INPPL1: variants seen among roughly 807,000 people sequenced by gnomAD.
INPPL1 encodes the protein phosphatidylinositol 3,4,5-trisphosphate 5-phosphatase 2.
INPPL1 carries 91 observed loss-of-function variants against 139.3 expected under a neutral mutation model. That is an observed-to-expected ratio of 0.65 (90% confidence interval 0.55 to 0.78). INPPL1 has a LOEUF of 0.78. Among genes scored for constraint, INPPL1 ranks in the 30% least tolerant of loss-of-function variants. The pLI is 0.00. For synonymous variants in INPPL1, 719 were observed against 686.6 expected (o/e 1.05, Z -0.74); for missense variants, 1,411 against 1,665.6 (o/e 0.85, Z 2.66).
Position 72,232,241 on chromosome 11 carries a change from G to A in INPPL1, c.1617G>A (p.Gly539=). ...TTCCTCTCTTGCTTGCCTTAACAGG[G>A]AACAAGGGGGCTGTGGGCGTCTCCT... ...SVKTGIANTL[G]NKGAVGVSFM... is the part of the protein sequence containing the mutation. The change falls in exon 14 of 28, where the codon GGG becomes GGA. Residue 539 remains glycine, a splice_region_variant and synonymous_variant. Transcript: ENST00000298229. The A allele has an allele frequency of 1.3e-6, 2 of 1,554,354 alleles. No individual in the cohort carries two copies. The highest frequency in any genetic ancestry group is 1.7e-6 in the Non-Finnish European group (2 of 1,148,132).
rs1205029574 is a variant in INPPL1, at chr11:72,234,730, A to AGTGT, written c.2415+116_2415+117insTGTG. On this transcript the variant is annotated intron_variant, in intron 21 of 27. Coordinates refer to ENST00000298229, the MANE Select transcript of INPPL1 (RefSeq NM_001567.4). This position sits in a 1 kb window ranked among gnomAD's most constrained non-coding sequence, Gnocchi z 4.2. ...GTGGGGCCAGCAGAGAGAGAGAGAG[A>AGTGT]GAGTGTGTGTGTGTGTGTGTGTGTG... The AGTGT allele has an allele frequency of 2.0e-4, 114 of 565,252 alleles. No individual in the cohort carries two copies. Among genetic ancestry groups the AGTGT allele is most frequent in the Non-Finnish European group, 2.7e-4 (87 of 320,536 alleles). 35.0% of individuals were successfully genotyped at this position (565,252 alleles called of 1,614,324 possible). A position where few individuals can be genotyped will look rare whatever the true frequency, so the allele number is the denominator to read the frequency against.
rs201534395 is a variant in INPPL1, at chr11:72,237,105, G to T, written c.2880-19G>T. 3.2e-6 allele frequency: 5 copies of T among 1,556,062 alleles called. No individual in the cohort carries two copies. Among genetic ancestry groups the T allele is most frequent in the East Asian group, 2.3e-5 (1 of 44,226 alleles). On this transcript the variant is annotated intron_variant, in intron 25 of 27. Transcript: ENST00000298229. ...TGGGTTCCTGGATCCTGGCTTAGTC[G>T]TTCTGCTTCCACACCCAGGTTGAAG... is the stretch of plus-strand genomic sequence containing the variant.
At position 72,233,140 on chromosome 11, in the gene INPPL1, T is replaced by A. The variant is rs1316228321; in HGVS notation, c.2017T>A (p.Trp673Arg). 1 of 1,613,884 alleles carries A rather than the reference T, an allele frequency of 6.2e-7. No homozygotes were observed. The highest frequency in any genetic ancestry group is 8.5e-7 in the Non-Finnish European group (1 of 1,179,950). Residue 673 changes from tryptophan to arginine, a missense_variant, in exon 17 of 28, where the codon TGG becomes AGG. Physicochemically the swap from Trp to Arg is moderately radical, Grantham distance 101. Coordinates refer to ENST00000298229, the MANE Select transcript of INPPL1 (RefSeq NM_001567.4). ...YERGSRDTYA[W>R]HKQKPTGVRT... ...GCGGGGTTCCCGGGACACATATGCC[T>A]GGCACAAGCAGAAGCCAACTGGGGT...
At position 72,232,761 on chromosome 11, in the gene INPPL1, C is replaced by T. The variant is rs1375532101; in HGVS notation, c.1848C>T (p.Ile616=). 1.2e-5 allele frequency: 20 copies of T among 1,613,914 alleles called. No individual in the cohort carries two copies. Among genetic ancestry groups the T allele is most frequent in the Non-Finnish European group, 1.7e-5 (20 of 1,180,006 alleles). ...GDLNYRLDMD[I]QEILNYISRK... is the part of the protein sequence containing the mutation. ...TCAACTACCGCCTGGACATGGATAT[C>T]CAGGTGCGAGCAGGGCCCTGCCATG... The change falls in exon 15 of 28, where the codon ATC becomes ATT. Residue 616 remains isoleucine, a synonymous_variant. Transcript: ENST00000298229.
At position 72,224,771 on chromosome 11, in the gene INPPL1, C is replaced by G. The variant is rs992228294; in HGVS notation, c.-214C>G. On this transcript the variant is annotated 5_prime_UTR_variant, in exon 1 of 28. Transcript: ENST00000298229. Reference sequence around the variant, plus strand: ...GCCGCCTCTGAACAAACTTTTCTTTCTCTTCAAGTTGAGGCCGGCGCTGCA... The same window carrying G: ...GCCGCCTCTGAACAAACTTTTCTTTGTCTTCAAGTTGAGGCCGGCGCTGCA... 1 of 182,056 alleles carries G rather than the reference C, an allele frequency of 5.5e-6. No homozygotes were observed. Among genetic ancestry groups the G allele is most frequent in the African/African-American group, 2.4e-5 (1 of 41,972 alleles). 11.3% of individuals were successfully genotyped at this position (182,056 alleles called of 1,614,324 possible). A position where few individuals can be genotyped will look rare whatever the true frequency, so the allele number is the denominator to read the frequency against.
At position 72,232,244 on chromosome 11, in the gene INPPL1, C is replaced by T. The variant is rs1180383494; in HGVS notation, c.1620C>T (p.Asn540=). 2 of 1,554,750 alleles carry T rather than the reference C, an allele frequency of 1.3e-6. No homozygotes were observed. The highest frequency in any genetic ancestry group is 2.0e-5 in the Admixed American group (1 of 51,262). Residue 540 remains asparagine (N), a synonymous_variant, in exon 14 of 28, where the codon AAC becomes AAT. Coordinates refer to ENST00000298229, the MANE Select transcript of INPPL1 (RefSeq NM_001567.4). ...VKTGIANTLG[N]KGAVGVSFMF... is the part of the protein sequence containing the mutation. ...CTCTCTTGCTTGCCTTAACAGGGAA[C>T]AAGGGGGCTGTGGGCGTCTCCTTCA...
Position 72,230,221 on chromosome 11 carries a change from G to A in INPPL1, c.1040G>A (p.Arg347Gln), listed in dbSNP as rs144485030. The A allele has an allele frequency of 6.8e-6, 11 of 1,610,984 alleles. No individual in the cohort carries two copies. The highest frequency in any genetic ancestry group is 1.7e-4 in the Middle Eastern group (1 of 6,054). The change falls in exon 9 of 28, where the codon CGG becomes CAG. Residue 347 changes from arginine to glutamine, a missense_variant. Physicochemically the swap from Arg to Gln is conservative, Grantham distance 43. Coordinates refer to ENST00000298229, the MANE Select transcript of INPPL1 (RefSeq NM_001567.4). Reference protein sequence around the residue: ...DVEGGRLVLLRRQRDSQEDWT... With the variant: ...DVEGGRLVLLQRQRDSQEDWT... ...GAGGGTGGGCGGCTGGTGCTGCTGC[G>A]GAGACAGCGGGACTCCCAGGAGGAC... is the stretch of plus-strand genomic sequence containing the variant.
chr11:72,229,288 G>A, intron 5 of INPPL1, 58 bp downstream of exon 5: 1 of 1,533,736 alleles, frequency 6.5e-7, no homozygotes, highest in East Asian at 2.3e-5. Flanking sequence ...GTCCTCACCT[G>A]CTTCCCGGCT....
chr11:72,234,693 C>A lies in INPPL1; in HGVS notation c.2415+78C>A. On this transcript the variant is annotated intron_variant, in intron 21 of 27. Transcript: ENST00000298229. This position sits in a 1 kb window ranked among gnomAD's most constrained non-coding sequence, Gnocchi z 4.2. Reference sequence around the variant, plus strand: ...CATAAGAGTTTATTGGAGAGCCTGCCTGGGAGGGAGTGTGGGGCCAGCAGA... The same window carrying A: ...CATAAGAGTTTATTGGAGAGCCTGCATGGGAGGGAGTGTGGGGCCAGCAGA... 2 of 999,314 alleles carry A rather than the reference C, an allele frequency of 2.0e-6. No homozygotes were observed. The highest frequency in any genetic ancestry group is 3.1e-6 in the Non-Finnish European group (2 of 645,132). The allele number at this position is 999,314 out of a possible 1,614,324, so 61.9% of individuals were successfully genotyped here. A position where few individuals can be genotyped will look rare whatever the true frequency, so the allele number is the denominator to read the frequency against.
upstream of INPPL1, among the ~76,000 whole-genome samples, chr11:72,224,155 C>T (rs1244371442): frequency 6.6e-6 from 1 of 152,062 alleles, no homozygotes; most frequent in East Asian, 2.0e-4. Flanking sequence ...GGCTCGAGAA[C>T]GTCGCACCTC....
At chr11:72,231,396 C>T (rs556508402) in intron 12 of INPPL1, 102 bp from the exon 13 acceptor site, 2 of 1,048,526 alleles carry the variant, frequency 1.9e-6, no homozygotes, top group African/African-American at 3.1e-5. Flanking sequence ...GGGTGGCAAG[C>T]CTTCCTACCC....
rs1174452484 is a variant in INPPL1, at chr11:72,234,712, C to T, written c.2415+97C>T. On this transcript the variant is annotated intron_variant, in intron 21 of 27. Coordinates refer to ENST00000298229, the MANE Select transcript of INPPL1 (RefSeq NM_001567.4). The surrounding 1 kb of genome is among the most constrained non-coding windows in gnomAD (Gnocchi z 4.2). The stretch of plus-strand genomic sequence containing the variant: ...GCCTGCCTGGGAGGGAGTGTGGGGC[C>T]AGCAGAGAGAGAGAGAGAGAGTGTG... 1.3e-6 allele frequency: 1 copy of T among 769,934 alleles called. No homozygotes were observed. The highest frequency in any genetic ancestry group is 2.2e-5 in the Admixed American group (1 of 44,954). 47.7% of individuals were successfully genotyped at this position (769,934 alleles called of 1,614,324 possible). A position where few individuals can be genotyped will look rare whatever the true frequency, so the allele number is the denominator to read the frequency against.
At position 72,235,054 on chromosome 11, in the gene INPPL1, C is replaced by A. The variant is rs533558365; in HGVS notation, c.2416-62C>A. 2 of 1,380,492 alleles carry A rather than the reference C, an allele frequency of 1.4e-6. No individual in the cohort carries two copies. The highest frequency in any genetic ancestry group is 2.0e-6 in the Non-Finnish European group (2 of 976,988). 85.5% of individuals were successfully genotyped at this position (1,380,492 alleles called of 1,614,324 possible). A position where few individuals can be genotyped will look rare whatever the true frequency, so the allele number is the denominator to read the frequency against. ...GATTGAGTGGTGTCAGGGGGCAGCG[C>A]GTAGGAGGGGCAGGAGGAAGTGGCG... is the stretch of plus-strand genomic sequence containing the variant. On this transcript the variant is annotated intron_variant, in intron 21 of 27. Transcript: ENST00000298229. The surrounding 1 kb of genome is among the most constrained non-coding windows in gnomAD (Gnocchi z 4.9).
intron 27 of INPPL1, 31 bp from the exon 28 acceptor site, chr11:72,238,232 A>G (rs1178359236): frequency 1.2e-6 from 2 of 1,613,518 alleles, no homozygotes. Flanking sequence ...CCCCTTGCCC[A>G]TCTCACTTCC....
chr11:72,230,744 C>T (rs577027328), intron 10 of INPPL1, 52 bp from the exon 11 acceptor site: 51 of 1,490,588 alleles, frequency 3.4e-5, no homozygotes, highest in Admixed American at 2.2e-4. Context: ...TCCCTGTGGA[C>T]GGGGGGCTTC....
intron 26 of INPPL1, 39 bp downstream of exon 26, chr11:72,237,835 G>C: frequency 6.4e-7 from 1 of 1,554,780 alleles, no homozygotes; most frequent in Non-Finnish European, 8.7e-7. Context: ...GTGCCTGAGT[G>C]TGCTTGCCCA....
In INPPL1 at chr11:72,234,596, C is replaced by T. The variant is rs779722875; in HGVS notation, c.2396C>T (p.Ser799Phe). 6.2e-6 allele frequency: 10 copies of T among 1,613,432 alleles called. No homozygotes were observed. The Admixed American group carries it at 1.2e-4, about 19-fold the overall frequency. Residue 799 changes from serine (S) to phenylalanine (F), a missense_variant, in exon 21 of 28, where the codon TCT becomes TTT. This residue lies in a region of INPPL1 where 363 missense variants were observed against 446.2 expected (regional missense o/e 0.81). Coordinates refer to ENST00000298229, the MANE Select transcript of INPPL1 (RefSeq NM_001567.4). The surrounding 1 kb of genome is among the most constrained non-coding windows in gnomAD (Gnocchi z 4.2). The stretch of plus-strand genomic sequence containing the variant: ...ATCAACTTCCTCAAAGTGCAGTGGT[C>T]TTCACGCCAGCTGCCCACGGTGAGG... ...DNINFLKVQWSSRQLPTLKPI... is the reference protein window; with the variant it reads ...DNINFLKVQWFSRQLPTLKPI...
chr11:72,235,464 C>A lies in INPPL1; in HGVS notation c.2659+13C>A, dbSNP rs1279614601. 12 of 1,609,708 alleles carry A rather than the reference C, an allele frequency of 7.5e-6. No individual in the cohort carries two copies. Among genetic ancestry groups the A allele is most frequent in the Non-Finnish European group, 8.5e-6 (10 of 1,179,264 alleles). ...GAGCGGCTCTACGGTGGGGACTCCA[C>A]TGGGACATGAGATAGGGTGGTGTGA... On this transcript the variant is annotated intron_variant, in intron 23 of 27. Transcript: ENST00000298229. This position sits in a 1 kb window ranked among gnomAD's most constrained non-coding sequence, Gnocchi z 4.9.
In INPPL1 at chr11:72,228,992, G is replaced by A. The variant is rs941759765; in HGVS notation, c.519-98G>A. On this transcript the variant is annotated intron_variant, in intron 4 of 27. Coordinates refer to ENST00000298229, the MANE Select transcript of INPPL1 (RefSeq NM_001567.4). The surrounding 1 kb of genome is among the most constrained non-coding windows in gnomAD (Gnocchi z 5.0). ...AGAGGCAGATAACCTGATCCATCCC[G>A]CCCTGGTTGCCACAGGTACTATCTC... The A allele has an allele frequency of 9.2e-6, 14 of 1,527,736 alleles. 1 individual carries two copies. The highest frequency in any genetic ancestry group is 3.5e-4 in the Middle Eastern group (2 of 5,662). 94.6% of individuals were successfully genotyped at this position (1,527,736 alleles called of 1,614,324 possible).
Sources: allele counts gnomAD v4.1 joint callset (sites outside exome capture counted in the v4.1 genomes callset), GRCh38; gene constraint gnomAD v4.1.1; regional missense constraint gnomAD v4.1.1; non-coding constraint Gnocchi (gnomAD v3.1); transcripts MANE v1.5; gene names NCBI Gene and HGNC (gene_info 2026-07-23, HGNC 2026-07-21).